PRKCB: variants seen among roughly 807,000 people sequenced by gnomAD.
The protein encoded by PRKCB is protein kinase C beta, also known as protein kinase C beta type.
PRKCB carries 13 observed loss-of-function variants against 81.5 expected under a neutral mutation model. The ratio of observed to expected loss-of-function variants is 0.16; its 90% confidence interval spans 0.10 to 0.25. The LOEUF is 0.25. PRKCB is among the 10% of genes least tolerant of loss of function. PRKCB has a pLI of 1.00. For synonymous variants in PRKCB, 335 were observed against 321.4 expected (o/e 1.04, Z -0.45); for missense variants, 509 against 875.7 (o/e 0.58, Z 5.29).
Position 23,882,021 on chromosome 16 carries a change from T to TCTTTCTCTTTCTTTCTTCCTTC in PRKCB, c.205+44618_205+44619insTCTCTTTCTTTCTTCCTTCCTT. 7.2e-5 allele frequency among the ~76,000 whole-genome samples: 4 copies of TCTTTCTCTTTCTTTCTTCCTTC among 55,592 alleles called. 1 individual carries two copies. Among genetic ancestry groups the TCTTTCTCTTTCTTTCTTCCTTC allele is most frequent in the African/African-American group, 2.4e-4 (4 of 16,850 alleles). The allele number at this position is 55,592 out of a possible 152,430, so 36.5% of individuals were successfully genotyped here. Reference sequence around the variant, plus strand: ...TTCTTTCTTTCTTTCTTTCTTTCTTTCTTCCTTCCTTCCTTCCTTCCTTCC... The same window carrying TCTTTCTCTTTCTTTCTTCCTTC: ...TTCTTTCTTTCTTTCTTTCTTTCTTTCTTTCTCTTTCTTTCTTCCTTCCTTCCTTCCTTCCTTCCTTCCTTCC... On this transcript the variant is annotated intron_variant, in intron 2 of 16. Coordinates refer to ENST00000643927, the MANE Select transcript of PRKCB (RefSeq NM_002738.7).
chr16:23,971,647 C>T (rs1020170424), intron 2 of PRKCB, among the ~76,000 whole-genome samples: 1 of 152,170 alleles, frequency 6.6e-6, no homozygotes, highest in African/African-American at 2.4e-5. Context: ...CTAGCCCCCG[C>T]GAGGTTGCCC....
chr16:24,134,754 A>G (rs77970202), intron 9 of PRKCB, among the ~76,000 whole-genome samples: 2 of 54,974 alleles, frequency 3.6e-5, no homozygotes, highest in South Asian at 7.5e-4. Context: ...GTCTCAAAGG[A>G]AAAAAAAAAA....
At chr16:24,115,566 T>G (rs927741524) in intron 8 of PRKCB, among the ~76,000 whole-genome samples, 1 of 151,914 alleles carries the variant, frequency 6.6e-6, no homozygotes, top group Non-Finnish European at 1.5e-5. Flanking sequence ...TTTATCCCGA[T>G]GATTTTAGCA....
intron 2 of PRKCB, among the ~76,000 whole-genome samples, chr16:23,864,314 G>A (rs190215645): frequency 8.5e-5 from 13 of 152,172 alleles, no homozygotes; most frequent in Admixed American, 2.0e-4. Flanking sequence ...ATTTATTGCC[G>A]GGCACAGTGG....
At chr16:24,107,744 C>T (rs1966596937) in intron 7 of PRKCB, among the ~76,000 whole-genome samples, 1 of 152,190 alleles carries the variant, frequency 6.6e-6, no homozygotes, top group South Asian at 2.1e-4. Context: ...CATGTCTCCT[C>T]TTGCATATGA....
At chr16:24,148,173 C>T (rs574439395) in intron 9 of PRKCB, among the ~76,000 whole-genome samples, 7 of 152,252 alleles carry the variant, frequency 4.6e-5, no homozygotes, top group African/African-American at 1.7e-4. Context: ...TGTTCTTTTC[C>T]CTTTGGCTGA....
chr16:24,184,757 C>T (rs1236073062), intron 13 of PRKCB, among the ~76,000 whole-genome samples: 3 of 152,092 alleles, frequency 2.0e-5, no homozygotes, highest in Non-Finnish European at 4.4e-5. Flanking sequence ...ACTATTTTAA[C>T]CAGTTCTAAG....
At chr16:24,204,048 G>A (rs887692482) in intron 16 of PRKCB, among the ~76,000 whole-genome samples, 7 of 151,918 alleles carry the variant, frequency 4.6e-5, no homozygotes, top group South Asian at 2.1e-4. Context: ...TTGGCAGAGC[G>A]TACAGGACCT....
At chr16:23,992,666 G>A (rs1964902296) in intron 3 of PRKCB, among the ~76,000 whole-genome samples, 1 of 152,214 alleles carries the variant, frequency 6.6e-6, no homozygotes, top group African/African-American at 2.4e-5. Flanking sequence ...CCCTGAAGGA[G>A]AGCCTTCTAG....
chr16:24,140,430 A>C (rs1342933972), intron 9 of PRKCB, among the ~76,000 whole-genome samples: 1 of 152,178 alleles, frequency 6.6e-6, no homozygotes, highest in Non-Finnish European at 1.5e-5. Flanking sequence ...GGGAATTATA[A>C]TAGGGAAAGA....
intron 2 of PRKCB, among the ~76,000 whole-genome samples, chr16:23,857,780 C>G (rs577618187): frequency 6.6e-5 from 10 of 152,216 alleles, no homozygotes; most frequent in Admixed American, 5.9e-4. Flanking sequence ...GATCTCTATT[C>G]ATTGGACAGA....
chr16:24,074,453 T>G (rs1966153616), intron 5 of PRKCB, among the ~76,000 whole-genome samples: 1 of 152,224 alleles, frequency 6.6e-6, no homozygotes, highest in African/African-American at 2.4e-5. Context: ...AAGGTTCTTG[T>G]AAGGATTCAA....
chr16:23,960,675 A>G (rs764862131), intron 2 of PRKCB, among the ~76,000 whole-genome samples: 4 of 152,070 alleles, frequency 2.6e-5, no homozygotes, highest in Non-Finnish European at 4.4e-5. Flanking sequence ...CCACCACCAA[A>G]TGTCCATGTG....
At chr16:24,203,806 T>C (rs1968001555) in intron 16 of PRKCB, among the ~76,000 whole-genome samples, 1 of 152,222 alleles carries the variant, frequency 6.6e-6, no homozygotes, top group Non-Finnish European at 1.5e-5. Flanking sequence ...AATGTCTTTC[T>C]AAGGAAGTGA....
intron 9 of PRKCB, among the ~76,000 whole-genome samples, chr16:24,139,823 G>C (rs1966882388): frequency 6.6e-6 from 1 of 152,232 alleles, no homozygotes; most frequent in South Asian, 2.1e-4. Flanking sequence ...TATCATCCGA[G>C]TTGATCTATA....
In PRKCB at chr16:24,215,795, G is replaced by A. The variant is rs1401943498; in HGVS notation, c.*979G>A. ...AGCAGACTCAGGCCTGTGGGAATGGGATTTGTTACAAATCTAGGTTTGTTA... is the reference window on the plus strand; with the variant it reads ...AGCAGACTCAGGCCTGTGGGAATGGAATTTGTTACAAATCTAGGTTTGTTA... On this transcript the variant is annotated 3_prime_UTR_variant, in exon 17 of 17. Coordinates refer to ENST00000643927, the MANE Select transcript of PRKCB (RefSeq NM_002738.7). 1.0e-6 allele frequency: 1 copy of A among 985,682 alleles called. No individual in the cohort carries two copies. The highest frequency in any genetic ancestry group is 1.7e-5 in the African/African-American group (1 of 57,226). 61.1% of individuals were successfully genotyped at this position (985,682 alleles called of 1,614,324 possible).
intron 2 of PRKCB, among the ~76,000 whole-genome samples, chr16:23,915,979 C>T (rs1217283601): frequency 1.3e-5 from 2 of 151,818 alleles, no homozygotes; most frequent in African/African-American, 2.4e-5. Flanking sequence ...TGCTTTTTAC[C>T]CTACCTCACA....
At chr16:24,185,225 C>G in intron 14 of PRKCB, 34 bp downstream of exon 14, 2 of 1,559,038 alleles carry the variant, frequency 1.3e-6, no homozygotes, top group Non-Finnish European at 1.8e-6. Context: ...TAAGAGAAGT[C>G]CTCCCTACCC....
rs377550926 is a variant in PRKCB at position 23,848,338 on chromosome 16, A to T, written c.205+10932A>T. Among the ~76,000 whole-genome samples the T allele has an allele frequency of 1.6e-4, 24 of 152,296 alleles. 1 individual carries two copies. In the South Asian group the frequency reaches 4.1e-3, roughly 26 times the overall value. On this transcript the variant is annotated intron_variant, in intron 2 of 16. Coordinates refer to ENST00000643927, the MANE Select transcript of PRKCB (RefSeq NM_002738.7). Reference sequence around the variant, plus strand: ...ATCCTGAAATTCTAGGCCTGCAGTGATGGAAGTCAGGCAGGAGAAACTGAA... The same window carrying T: ...ATCCTGAAATTCTAGGCCTGCAGTGTTGGAAGTCAGGCAGGAGAAACTGAA...
Sources: gnomAD v4.1 joint callset for allele counts (sites outside exome capture counted in the v4.1 genomes callset) on GRCh38, gnomAD v4.1.1 for gene constraint, MANE v1.5 for transcripts, NCBI Gene and HGNC (gene_info 2026-07-23, HGNC 2026-07-21) for gene names.